RAP1A: variants seen among roughly 807,000 people sequenced by gnomAD.
RAP1A encodes ras-related protein Rap-1A.
RAP1A carries 6 observed loss-of-function variants against 26.4 expected under a neutral mutation model. That is an observed-to-expected ratio of 0.23 (90% CI 0.12 to 0.45). The LOEUF is 0.45. Among genes scored for constraint, RAP1A ranks in the 20% least tolerant of loss-of-function variants. The probability of loss-of-function intolerance (pLI) is 0.99; values close to 1 mark genes in which losing one functional copy is unlikely to be tolerated. For synonymous variants in RAP1A, 73 were observed against 79.4 expected, an observed-to-expected ratio of 0.92 and a Z score of 0.43; for missense variants, 121 against 217.2, an observed-to-expected ratio of 0.56 and a Z score of 2.78.
intron 1 of RAP1A, among the ~76,000 whole-genome samples, chr1:111,605,109 A>G (rs939485648): frequency 3.3e-5 from 5 of 152,226 alleles, no homozygotes; most frequent in African/African-American, 1.2e-4. Context: ...CCAACAGGAG[A>G]AGAGGAGACC....
intron 1 of RAP1A, among the ~76,000 whole-genome samples, chr1:111,592,130 C>T (rs1030479131): frequency 3.1e-4 from 47 of 152,146 alleles, no homozygotes; most frequent in Admixed American, 2.9e-3. Context: ...AAACTAGAAA[C>T]GGATGGCAAA....
intron 1 of RAP1A, among the ~76,000 whole-genome samples, chr1:111,675,988 A>G (rs188148834): frequency 6.6e-6 from 1 of 152,328 alleles, no homozygotes; most frequent in Admixed American, 6.5e-5. Flanking sequence ...TACCACAAGA[A>G]CAGTATAGGA....
intron 1 of RAP1A, among the ~76,000 whole-genome samples, chr1:111,688,982 A>G (rs1378559362): frequency 6.6e-6 from 1 of 151,674 alleles, no homozygotes; most frequent in Non-Finnish European, 1.5e-5. Context: ...CCATAGGCAC[A>G]TGCCACCACG....
At position 111,694,576 on chromosome 1, in the gene RAP1A, T is replaced by TTGATAATATCTGAAAAAGA. The variant is rs1553227166; in HGVS notation, c.58-761_58-743dup. Among the ~76,000 whole-genome samples, 3 of 152,336 alleles carry TTGATAATATCTGAAAAAGA rather than the reference T, an allele frequency of 2.0e-5. No individual in the cohort carries two copies. In the East Asian group the frequency reaches 5.8e-4, roughly 29 times the overall value. The stretch of plus-strand genomic sequence containing the variant: ...ATGTGCTTTTGGATGCCTTTAAAAG[T>TTGATAATATCTGAAAAAGA]TGATAATATCTGAAAAAGATGAATG... On this transcript the variant is annotated intron_variant, in intron 2 of 7. Transcript: ENST00000369709.
chr1:111,563,138 A>G (rs1657809827), intron 1 of RAP1A, among the ~76,000 whole-genome samples: 1 of 152,194 alleles, frequency 6.6e-6, no homozygotes, highest in Non-Finnish European at 1.5e-5. Flanking sequence ...GGCTGGGCAC[A>G]GTGGCATGTG....
At chr1:111,690,189 TTACTC>T (rs971137128) in intron 1 of RAP1A, among the ~76,000 whole-genome samples, 8 of 152,284 alleles carry the variant, frequency 5.3e-5, no homozygotes, top group African/African-American at 1.9e-4. Flanking sequence ...AGAATATCAT[TTACTC>T]TAGAGCTTAT....
rs1022061926 is a variant in RAP1A at position 111,612,018 on chromosome 1, T to G, written c.-28+69509T>G. On this transcript the variant is annotated intron_variant, in intron 1 of 7. Coordinates refer to the RAP1A transcript ENST00000356415. ...TGCAGTTTACACGTGCTTGAGTTTTTTTTTTTTTTTTACAGAATAAATGAT... is the reference window on the plus strand; with the variant it reads ...TGCAGTTTACACGTGCTTGAGTTTTGTTTTTTTTTTTACAGAATAAATGAT... 2.6e-5 allele frequency among the ~76,000 whole-genome samples: 4 copies of G among 152,250 alleles called. 1 individual carries two copies. The South Asian group carries it at 6.2e-4, about 24-fold the overall frequency.
chr1:111,679,330 T>G (rs1331860242), intron 1 of RAP1A, among the ~76,000 whole-genome samples: 1 of 152,178 alleles, frequency 6.6e-6, no homozygotes, highest in Non-Finnish European at 1.5e-5. Context: ...CGTGAGGGAC[T>G]GTGCCATGAG....
At chr1:111,583,778 G>A (rs185091318) in intron 1 of RAP1A, among the ~76,000 whole-genome samples, 33 of 151,126 alleles carry the variant, frequency 2.2e-4, no homozygotes, top group African/African-American at 7.1e-4. Context: ...GCTATTAAAC[G>A]TTATACTTAA....
chr1:111,567,123 C>A lies in RAP1A; in HGVS notation c.-28+24614C>A, dbSNP rs79074941. ...CATGAATAAGAACAGACATAGGCCC[C>A]GCCCTCAAGAAGTCCACCATTTAAA... On this transcript the variant is annotated intron_variant, in intron 1 of 7. Transcript: ENST00000356415. Among the ~76,000 whole-genome samples the A allele has an allele frequency of 4.6e-3, 702 of 152,032 alleles. 4 individuals are homozygous for A. Among genetic ancestry groups the A allele is most frequent in the African/African-American group, 0.016 (657 of 41,434 alleles).
intron 1 of RAP1A, among the ~76,000 whole-genome samples, chr1:111,548,693 C>T (rs968275278): frequency 1.3e-5 from 2 of 152,176 alleles, no homozygotes; most frequent in African/African-American, 2.4e-5. Flanking sequence ...GGTCTGCCAC[C>T]GTAGGCTTCA....
intron 1 of RAP1A, among the ~76,000 whole-genome samples, chr1:111,596,967 A>C (rs760205934): frequency 1.3e-5 from 2 of 152,258 alleles, no homozygotes. Flanking sequence ...TTGTTGAATG[A>C]ATAAATAAAT....
At chr1:111,606,314 G>A (rs963288070) in intron 1 of RAP1A, among the ~76,000 whole-genome samples, 9 of 151,494 alleles carry the variant, frequency 5.9e-5, no homozygotes, top group African/African-American at 1.7e-4. Context: ...CTGGGTTCTC[G>A]TCATATTTCA....
At chr1:111,586,626 T>C (rs2101063877) in intron 1 of RAP1A, among the ~76,000 whole-genome samples, 1 of 152,262 alleles carries the variant, frequency 6.6e-6, no homozygotes, top group South Asian at 2.1e-4. Flanking sequence ...GAGAAAAATA[T>C]GTGGTTTAGA....
At chr1:111,656,075 A>G (rs1437969866) in intron 1 of RAP1A, among the ~76,000 whole-genome samples, 1 of 152,210 alleles carries the variant, frequency 6.6e-6, no homozygotes, top group Non-Finnish European at 1.5e-5. Context: ...TTATATAAAT[A>G]AAGATTCATT....
At chr1:111,695,233 C>A in intron 2 of RAP1A, 108 bp from the exon 3 acceptor site, 1 of 764,534 alleles carries the variant, frequency 1.3e-6, no homozygotes, top group Non-Finnish European at 2.0e-6. Context: ...TACGTGTTTA[C>A]CCAGAATTTT....
At chr1:111,669,945 T>C (rs139705594) in intron 1 of RAP1A, among the ~76,000 whole-genome samples, 2 of 152,288 alleles carry the variant, frequency 1.3e-5, no homozygotes, top group African/African-American at 4.8e-5. Flanking sequence ...AGCTGACTTA[T>C]TGAAAGGAAA....
At chr1:111,697,218 T>C (rs1183481413) in intron 3 of RAP1A, among the ~76,000 whole-genome samples, 1 of 152,176 alleles carries the variant, frequency 6.6e-6, no homozygotes, top group African/African-American at 2.4e-5. Flanking sequence ...TCAGAAAATA[T>C]CTAAACTCAG....
At chr1:111,572,981 T>G (rs1057387320) in intron 1 of RAP1A, among the ~76,000 whole-genome samples, 1 of 152,182 alleles carries the variant, frequency 6.6e-6, no homozygotes, top group Non-Finnish European at 1.5e-5. Flanking sequence ...TTCCCACTTA[T>G]AAGAAAAAAT....
Sources: allele counts gnomAD v4.1 joint callset (sites outside exome capture counted in the v4.1 genomes callset), GRCh38; gene constraint gnomAD v4.1.1; transcripts MANE v1.5; gene names NCBI Gene and HGNC (gene_info 2026-07-23, HGNC 2026-07-21).